The following ACKR3 variants were observed in gnomAD, a reference collection of about 807,000 sequenced individuals.
The protein encoded by ACKR3 is atypical chemokine receptor 3.
Under a neutral mutation model 22.4 loss-of-function variants are expected in ACKR3, and 6 were observed. That is an observed-to-expected ratio of 0.27 (90% CI 0.15 to 0.53). The LOEUF (loss-of-function observed/expected upper bound fraction) is 0.53, where lower values mean the gene tolerates loss of function less well. Among genes scored for constraint, ACKR3 ranks in the 20% least tolerant of loss-of-function variants. The pLI is 0.96. For missense variants in ACKR3, 396 were observed against 475.2 expected, an observed-to-expected ratio of 0.83 and a Z score of 1.55; for synonymous variants, 209 against 205.2, an observed-to-expected ratio of 1.02 and a Z score of -0.16.
At chr2:236,576,457 C>T (rs2106505266) in intron 1 of ACKR3, among the ~76,000 whole-genome samples, 1 of 152,352 alleles carries the variant, frequency 6.6e-6, no homozygotes, top group South Asian at 2.1e-4. Flanking sequence ...TCTCCACTTT[C>T]AGATTTTGCA....
intron 1 of ACKR3, among the ~76,000 whole-genome samples, chr2:236,576,823 A>G (rs1375982406): frequency 6.6e-6 from 1 of 152,262 alleles, no homozygotes; most frequent in Non-Finnish European, 1.5e-5. Flanking sequence ...CTGAAACCTA[A>G]TGCATGAAAA....
the ACKR3 span, among the ~76,000 whole-genome samples, chr2:236,546,201 G>T: frequency 5.3e-5 from 8 of 152,184 alleles, no homozygotes; most frequent in African/African-American, 1.9e-4. The surrounding 1 kb of genome is among the most constrained non-coding windows in gnomAD (Gnocchi z 4.9). Context: ...ATAGGAAGAT[G>T]ATTTTTTACA....
In ACKR3 at chr2:236,577,739, A is replaced by C. The variant is rs2106506669; in HGVS notation, c.-26-2701A>C. ...AGAGGTGGGGCGGATTCGGGATCCAAGTTCGGGCGAACAAAGACTGAGGGT... is the reference window on the plus strand; with the variant it reads ...AGAGGTGGGGCGGATTCGGGATCCACGTTCGGGCGAACAAAGACTGAGGGT... On this transcript the variant is annotated intron_variant, in intron 1 of 1. Coordinates refer to ENST00000272928, the MANE Select transcript of ACKR3 (RefSeq NM_020311.3). This position sits in a 1 kb window ranked among gnomAD's most constrained non-coding sequence, Gnocchi z 5.6. Among the ~76,000 whole-genome samples the C allele has an allele frequency of 6.6e-6, 1 of 152,324 alleles. No homozygotes were observed. Among genetic ancestry groups the C allele is most frequent in the Admixed American group, 6.5e-5 (1 of 15,306 alleles).
the ACKR3 span, among the ~76,000 whole-genome samples, chr2:236,537,344 G>A: frequency 1.3e-5 from 2 of 152,254 alleles, no homozygotes; most frequent in African/African-American, 2.4e-5. Flanking sequence ...GGAGGCAGAA[G>A]CTGGTAAGGA....
chr2:236,537,490 C>A, the ACKR3 span, among the ~76,000 whole-genome samples: 1 of 152,188 alleles, frequency 6.6e-6, no homozygotes, highest in African/African-American at 2.4e-5. Flanking sequence ...GCAGGTTCAT[C>A]ATTTTTATTA....
rs899125472 is a variant in ACKR3 at position 236,574,521 on chromosome 2, G to A, written c.-27+4597G>A. Among the ~76,000 whole-genome samples, 11 of 152,166 alleles carry A rather than the reference G, an allele frequency of 7.2e-5. No individual in the cohort carries two copies. The highest frequency in any genetic ancestry group is 1.2e-4 in the Non-Finnish European group (8 of 68,034). On this transcript the variant is annotated intron_variant, in intron 1 of 1. Coordinates refer to ENST00000272928, the MANE Select transcript of ACKR3 (RefSeq NM_020311.3). The surrounding 1 kb of genome is among the most constrained non-coding windows in gnomAD (Gnocchi z 5.6). Reference sequence around the variant, plus strand: ...GGGCAGAGGGCATCAGTTGGGAAGAGTCTGTGGTTGGAGACTGCAAACATG... The same window carrying A: ...GGGCAGAGGGCATCAGTTGGGAAGAATCTGTGGTTGGAGACTGCAAACATG...
the ACKR3 span, among the ~76,000 whole-genome samples, chr2:236,561,048 G>A: frequency 6.6e-6 from 1 of 152,216 alleles, no homozygotes; most frequent in Admixed American, 6.5e-5. Context: ...AGAGAAGCCT[G>A]TCACAGAAAG....
chr2:236,579,884 A>G (rs541799760), intron 1 of ACKR3, among the ~76,000 whole-genome samples: 2 of 152,380 alleles, frequency 1.3e-5, no homozygotes, highest in South Asian at 2.1e-4. Flanking sequence ...ATGTGAATTT[A>G]GCAGACAAGT....
In ACKR3 at chr2:236,581,233, C is replaced by T. The variant is rs1045878; in HGVS notation, c.768C>T (p.Ser256=). The T allele has an allele frequency of 3.1e-6, 5 of 1,613,976 alleles. No individual in the cohort carries two copies. The highest frequency in any genetic ancestry group is 4.2e-6 in the Non-Finnish European group (5 of 1,179,954). The change falls in exon 2 of 2, where the codon TCC becomes TCT. Residue 256 remains serine (S), a synonymous_variant. Transcript: ENST00000272928. The surrounding 1 kb of genome is among the most constrained non-coding windows in gnomAD (Gnocchi z 4.4). ...ACAGCAGCCGGAAGATCATCTTCTC[C>T]TACGTGGTGGTCTTCCTTGTCTGCT... ...EKHSSRKIIF[S]YVVVFLVCWL... is the part of the protein sequence containing the mutation.
intron 1 of ACKR3, among the ~76,000 whole-genome samples, chr2:236,571,479 C>G (rs1210959547): frequency 2.0e-5 from 3 of 152,160 alleles, no homozygotes; most frequent in Admixed American, 6.5e-5. Flanking sequence ...AAAGCATCGC[C>G]AAGGCAGCAT....
the ACKR3 span, among the ~76,000 whole-genome samples, chr2:236,552,760 A>C: frequency 6.6e-6 from 1 of 151,722 alleles, no homozygotes; most frequent in Non-Finnish European, 1.5e-5. Flanking sequence ...TGAAGGGACA[A>C]GGGAGGGAGG....
chr2:236,559,238 G>A, the ACKR3 span, among the ~76,000 whole-genome samples: 5 of 152,256 alleles, frequency 3.3e-5, no homozygotes, highest in Middle Eastern at 6.8e-3. Context: ...CTTTCTATTC[G>A]GGGTTTTTTC....
At chr2:236,560,566 A>G in the ACKR3 span, among the ~76,000 whole-genome samples, 4 of 152,004 alleles carry the variant, frequency 2.6e-5, no homozygotes, top group African/African-American at 7.3e-5. Flanking sequence ...AGTTTCTTAT[A>G]TATTTTAGAG....
At chr2:236,568,871 C>G (rs34135799), upstream of ACKR3, among the ~76,000 whole-genome samples, 1 of 152,180 alleles carries the variant, frequency 6.6e-6, no homozygotes, top group South Asian at 2.1e-4. Context: ...TTGAGCCGCT[C>G]TTTAAGAACT....
the ACKR3 span, among the ~76,000 whole-genome samples, chr2:236,550,664 G>C: frequency 6.6e-6 from 1 of 152,112 alleles, no homozygotes; most frequent in Non-Finnish European, 1.5e-5. This position sits in a 1 kb window ranked among gnomAD's most constrained non-coding sequence, Gnocchi z 4.6. Flanking sequence ...GCTGAGCAAG[G>C]CTTTGGACAA....
the ACKR3 span, among the ~76,000 whole-genome samples, chr2:236,550,733 C>T: frequency 6.6e-6 from 1 of 152,190 alleles, no homozygotes; most frequent in African/African-American, 2.4e-5. The surrounding 1 kb of genome is among the most constrained non-coding windows in gnomAD (Gnocchi z 4.6). Context: ...CTTAGTAATT[C>T]TCTGCAGGGC....
the ACKR3 span, among the ~76,000 whole-genome samples, chr2:236,557,263 T>TGTGTGTGC: frequency 6.6e-6 from 1 of 151,830 alleles, no homozygotes; most frequent in African/African-American, 2.4e-5. Flanking sequence ...CGTATGTGTG[T>TGTGTGTGC]GTGTGTGTGT....
upstream of ACKR3, among the ~76,000 whole-genome samples, chr2:236,568,850 A>C (rs1008871358): frequency 2.0e-5 from 3 of 152,192 alleles, no homozygotes; most frequent in Non-Finnish European, 4.4e-5. Context: ...TGGTGCCTTC[A>C]TACACTCCAC....
chr2:236,558,598 G>A, the ACKR3 span, among the ~76,000 whole-genome samples: 1 of 152,292 alleles, frequency 6.6e-6, no homozygotes, highest in East Asian at 1.9e-4. Context: ...GATAAAGCGG[G>A]AGAATATCCC....
Sources: gnomAD v4.1 joint callset for allele counts (sites outside exome capture counted in the v4.1 genomes callset) on GRCh38, gnomAD v4.1.1 for gene constraint, Gnocchi (gnomAD v3.1) non-coding constraint, MANE v1.5 for transcripts, NCBI Gene and HGNC (gene_info 2026-07-23, HGNC 2026-07-21) for gene names.